FBXW7: variants seen among roughly 807,000 people sequenced by gnomAD.
FBXW7 encodes the protein F-box and WD repeat domain containing 7.
Under a neutral mutation model 86.3 loss-of-function variants are expected in FBXW7, and 11 were observed. That is an observed-to-expected ratio of 0.13 (90% CI 0.08 to 0.21). FBXW7 has a LOEUF of 0.21. Ranked by LOEUF, FBXW7 falls within the 10% of genes least tolerant of loss-of-function variation. The pLI is 1.00. For missense variants in FBXW7, 488 were observed against 847.4 expected (o/e 0.58, Z 5.27); for synonymous variants, 313 against 297.9 (o/e 1.05, Z -0.52).
intron 2 of FBXW7, among the ~76,000 whole-genome samples, chr4:152,448,398 T>C (rs1741600243): frequency 6.6e-6 from 1 of 152,220 alleles, no homozygotes; most frequent in South Asian, 2.1e-4. Context: ...GTCTTAGTCA[T>C]AATGCATCCA....
intron 2 of FBXW7, among the ~76,000 whole-genome samples, chr4:152,470,206 G>A (rs902148129): frequency 6.6e-6 from 1 of 151,918 alleles, no homozygotes; most frequent in Non-Finnish European, 1.5e-5. Flanking sequence ...GTAATATATA[G>A]AGATGCTAAT....
chr4:152,392,924 AATTTACATCTAAAGTCATTTG>A (rs1736116284), intron 4 of FBXW7, among the ~76,000 whole-genome samples: 1 of 152,198 alleles, frequency 6.6e-6, no homozygotes, highest in Non-Finnish European at 1.5e-5. Flanking sequence ...CTTTGGCTTG[AATTTACATCTAAAGTCATTTG>A]ATGTTATGAC....
intron 4 of FBXW7, among the ~76,000 whole-genome samples, chr4:152,355,677 C>A (rs189089033): frequency 3.3e-5 from 5 of 152,190 alleles, no homozygotes; most frequent in Admixed American, 3.3e-4. Context: ...AAGGGAATGA[C>A]CAACAATAAG....
At chr4:152,437,905 T>C (rs1386617914) in intron 2 of FBXW7, among the ~76,000 whole-genome samples, 1 of 152,220 alleles carries the variant, frequency 6.6e-6, no homozygotes, top group African/African-American at 2.4e-5. Context: ...CCAGGCGCGA[T>C]GGCTCACGCT....
At chr4:152,332,570 A>G (rs1729662985) in intron 8 of FBXW7, 26 bp downstream of exon 8, 2 of 1,539,024 alleles carry the variant, frequency 1.3e-6, no homozygotes, top group African/African-American at 1.4e-5. Context: ...GTATAAACAT[A>G]TTCTCTATGC....
chr4:152,533,541 G>A lies in FBXW7; in HGVS notation c.-120+1400C>T, dbSNP rs556392882. 9.2e-5 allele frequency among the ~76,000 whole-genome samples: 14 copies of A among 152,300 alleles called. No individual in the cohort carries two copies. The South Asian group carries it at 2.7e-3, about 29-fold the overall frequency. On this transcript the variant is annotated intron_variant, in intron 2 of 13. Coordinates refer to ENST00000281708, the MANE Select transcript of FBXW7 (RefSeq NM_001349798.2). ...CAACTAAAGAAAAACAATTCAGTGGGAGAAGTTCCAGAGGAGGGAAAAGTG... is the reference window on the plus strand; with the variant it reads ...CAACTAAAGAAAAACAATTCAGTGGAAGAAGTTCCAGAGGAGGGAAAAGTG...
At chr4:152,346,258 C>T (rs1308807885) in intron 6 of FBXW7, among the ~76,000 whole-genome samples, 2 of 152,082 alleles carry the variant, frequency 1.3e-5, no homozygotes, top group Non-Finnish European at 2.9e-5. Flanking sequence ...AAGCCATATA[C>T]AAGCATGGCA....
At position 152,474,697 on chromosome 4, in the gene FBXW7, C is replaced by A. The variant is rs184142710; in HGVS notation, c.-120+60244G>T. On this transcript the variant is annotated intron_variant, in intron 2 of 13. Coordinates refer to ENST00000281708, the MANE Select transcript of FBXW7 (RefSeq NM_001349798.2). ...CCATAACATTTTTTTAAGATGGAGT[C>A]TCACTGTTGCCAGGCTGGAGTGCAA... 1.7e-3 allele frequency among the ~76,000 whole-genome samples: 258 copies of A among 152,218 alleles called. 2 individuals are homozygous for A. The highest frequency in any genetic ancestry group is 3.4e-3 in the Middle Eastern group (1 of 294).
chr4:152,516,713 A>G (rs1165752407), intron 2 of FBXW7, among the ~76,000 whole-genome samples: 10 of 152,220 alleles, frequency 6.6e-5, no homozygotes, highest in Admixed American at 6.5e-4. Context: ...TAATCTCAAC[A>G]CTGCACAGTT....
At chr4:152,395,976 T>A (rs548237112) in intron 4 of FBXW7, among the ~76,000 whole-genome samples, 4 of 152,160 alleles carry the variant, frequency 2.6e-5, no homozygotes, top group Admixed American at 2.0e-4. Context: ...TTTGAAAAAT[T>A]CAAAAACATG....
At chr4:152,447,900 C>G (rs1296823768) in intron 2 of FBXW7, among the ~76,000 whole-genome samples, 5 of 152,178 alleles carry the variant, frequency 3.3e-5, no homozygotes, top group Non-Finnish European at 7.3e-5. Context: ...TTACCAATAA[C>G]TCTCATATTT....
chr4:152,343,678 T>C (rs1730966064), intron 6 of FBXW7, among the ~76,000 whole-genome samples: 1 of 152,104 alleles, frequency 6.6e-6, no homozygotes. Flanking sequence ...AAAGTTTAAG[T>C]GAAAAACCAT....
At chr4:152,324,038 G>GT in intron 13 of FBXW7, 146 bp downstream of exon 13, 1 of 624,298 alleles carries the variant, frequency 1.6e-6, no homozygotes, top group Non-Finnish European at 2.8e-6. Context: ...GACTAGTTCT[G>GT]TAAGTCAGGG....
intron 4 of FBXW7, among the ~76,000 whole-genome samples, chr4:152,388,343 T>C (rs1735723079): frequency 6.6e-6 from 1 of 152,160 alleles, no homozygotes; most frequent in Admixed American, 6.5e-5. Context: ...ACAAGTGTTA[T>C]AAAAATGTGA....
intron 4 of FBXW7, among the ~76,000 whole-genome samples, chr4:152,398,531 T>C (rs115695463): frequency 0.013 from 1,976 of 152,052 alleles, 33 homozygotes; most frequent in African/African-American, 0.043. Flanking sequence ...ATAATTGTAA[T>C]GCTAAATGAA....
At chr4:152,397,485 G>A (rs757240076) in intron 4 of FBXW7, among the ~76,000 whole-genome samples, 17 of 151,658 alleles carry the variant, frequency 1.1e-4, no homozygotes, top group Admixed American at 2.6e-4. Context: ...TACTATCACT[G>A]CAGCCTCAAA....
At chr4:152,345,311 G>A (rs573360716) in intron 6 of FBXW7, among the ~76,000 whole-genome samples, 61 of 152,030 alleles carry the variant, frequency 4.0e-4, no homozygotes, top group African/African-American at 1.4e-3. Context: ...CAGGAGGAAG[G>A]GTAGGAATAA....
intron 2 of FBXW7, among the ~76,000 whole-genome samples, chr4:152,494,607 G>A (rs1746148147): frequency 6.6e-6 from 1 of 152,176 alleles, no homozygotes; most frequent in South Asian, 2.1e-4. Context: ...CTGAGGAAGA[G>A]AAAAATCAGT....
chr4:152,421,534 CT>C (rs1379973782), intron 2 of FBXW7, among the ~76,000 whole-genome samples: 1 of 152,074 alleles, frequency 6.6e-6, no homozygotes, highest in East Asian at 1.9e-4. Context: ...CCTGTCTCTA[CT>C]TTTTAAACAT....
Sources: gnomAD v4.1 joint callset for allele counts (sites outside exome capture counted in the v4.1 genomes callset) on GRCh38, gnomAD v4.1.1 for gene constraint, MANE v1.5 for transcripts, NCBI Gene and HGNC (gene_info 2026-07-23, HGNC 2026-07-21) for gene names.